Variants in CHRNA7 observed in about 807,000 individuals in gnomAD.
CHRNA7 encodes the protein neuronal acetylcholine receptor subunit alpha-7.
A neutral mutation model predicts 48.0 loss-of-function variants in CHRNA7; 17 were observed. The observed-to-expected ratio is 0.35, with a 90% CI of 0.24 to 0.53. The LOEUF is 0.53. Among genes scored for constraint, CHRNA7 ranks in the 20% least tolerant of loss-of-function variants. The pLI is 0.92. For synonymous variants in CHRNA7, 75 were observed against 242.3 expected, an observed-to-expected ratio of 0.31 and a Z score of 6.41; for missense variants, 155 against 577.7, an observed-to-expected ratio of 0.27 and a Z score of 7.50.
intron 3 of CHRNA7, among the ~76,000 whole-genome samples, chr15:32,109,561 A>T (rs1019724187): frequency 3.9e-5 from 6 of 152,204 alleles, no homozygotes; most frequent in African/African-American, 1.2e-4. Flanking sequence ...GGGGCAAGGG[A>T]AAACAGCAGA....
rs564493101 is a variant in CHRNA7 at position 32,168,957 on chromosome 15, C to G, written c.*499C>G. On this transcript the variant is annotated 3_prime_UTR_variant, in exon 10 of 10. Transcript: ENST00000306901. Reference sequence around the variant, plus strand: ...AACTAAAAACCTCTTAGCTTTTCTGCAATTCAACTTTTTATTTTTATTTTT... The same window carrying G: ...AACTAAAAACCTCTTAGCTTTTCTGGAATTCAACTTTTTATTTTTATTTTT... 2 of 129,850 alleles carry G rather than the reference C, an allele frequency of 1.5e-5. No homozygotes were observed. The highest frequency in any genetic ancestry group is 7.9e-5 in the Admixed American group (1 of 12,682). The allele number at this position is 129,850 out of a possible 1,614,324, so 8.0% of individuals were successfully genotyped here. A position where few individuals can be genotyped will look rare whatever the true frequency, so the allele number is the denominator to read the frequency against.
chr15:32,111,112 A>G (rs1447712532), intron 3 of CHRNA7: 2 of 152,244 alleles, frequency 1.3e-5, no homozygotes, highest in Admixed American at 6.5e-5. Flanking sequence ...GGATGACCCC[A>G]GACGTGGGTA....
At chr15:32,044,715 G>T (rs2049509431) in intron 2 of CHRNA7, among the ~76,000 whole-genome samples, 4 of 152,164 alleles carry the variant, frequency 2.6e-5, no homozygotes, top group Admixed American at 2.6e-4. Context: ...GGGAATATTT[G>T]GCATTATCTT....
Position 32,170,202 on chromosome 15 carries a change from G to C in CHRNA7, c.*1744G>C, listed in dbSNP as rs1024383756. 1 of 113,420 alleles carries C rather than the reference G, an allele frequency of 8.8e-6. No homozygotes were observed. The highest frequency in any genetic ancestry group is 3.7e-5 in the African/African-American group (1 of 27,128). 7.0% of individuals were successfully genotyped at this position (113,420 alleles called of 1,614,324 possible). ...CCAGCCATCTGGCTCACTCATTTCTGGGTAATGCACATGACTTTGTTTGCA... is the reference window on the plus strand; with the variant it reads ...CCAGCCATCTGGCTCACTCATTTCTCGGTAATGCACATGACTTTGTTTGCA... On this transcript the variant is annotated 3_prime_UTR_variant, in exon 10 of 10. Transcript: ENST00000306901.
At chr15:32,061,633 C>G (rs1007268192) in intron 2 of CHRNA7, among the ~76,000 whole-genome samples, 1 of 152,054 alleles carries the variant, frequency 6.6e-6, no homozygotes, top group Non-Finnish European at 1.5e-5. Context: ...CATGATGAAA[C>G]CCCATCTCTA....
intron 3 of CHRNA7, chr15:32,101,587 G>A: frequency 4.1e-6 from 2 of 486,472 alleles, no homozygotes; most frequent in South Asian, 7.3e-5. Context: ...ACAAGGTAAT[G>A]TGGGGACACT....
chr15:32,044,619 T>C (rs2049508060), intron 2 of CHRNA7, among the ~76,000 whole-genome samples: 1 of 152,214 alleles, frequency 6.6e-6, no homozygotes, highest in Admixed American at 6.5e-5. Context: ...TTTTTCTGCC[T>C]TCCCTTTTTG....
rs1188156455 is a variant in CHRNA7, at chr15:32,149,167, TC to T, written c.351-4738del. On this transcript the variant is annotated intron_variant, in intron 4 of 9. Transcript: ENST00000306901. The surrounding 1 kb of genome is among the most constrained non-coding windows in gnomAD (Gnocchi z 4.6). ...CACAAACTGTGGATGTACTGTGTCT[TC>T]CAGTAGTCAAAATAAAGAATATATT... Among the ~76,000 whole-genome samples, 4 of 152,354 alleles carry T rather than the reference TC, an allele frequency of 2.6e-5. No individual in the cohort carries two copies. The highest frequency in any genetic ancestry group is 1.9e-4 in the East Asian group (1 of 5,186).
At chr15:32,142,669 T>G (rs1595495933) in intron 4 of CHRNA7, among the ~76,000 whole-genome samples, 1 of 152,232 alleles carries the variant, frequency 6.6e-6, no homozygotes, top group Non-Finnish European at 1.5e-5. Flanking sequence ...GTCCAGGAAT[T>G]TATCCATTTC....
chr15:32,112,416 G>C (rs946742114), intron 4 of CHRNA7: 3 of 452,954 alleles, frequency 6.6e-6, no homozygotes, highest in South Asian at 4.7e-5. Context: ...CCCCTGCAGG[G>C]TATATACCTG....
chr15:32,081,153 A>G (rs2141232318), intron 2 of CHRNA7, among the ~76,000 whole-genome samples: 1 of 152,272 alleles, frequency 6.6e-6, no homozygotes, highest in African/African-American at 2.4e-5. Flanking sequence ...GGGTCCTGGC[A>G]GTGGGAGAGC....
At chr15:32,063,532 C>T (rs2141207684) in intron 2 of CHRNA7, among the ~76,000 whole-genome samples, 2 of 152,302 alleles carry the variant, frequency 1.3e-5, no homozygotes, top group Middle Eastern at 6.8e-3. Context: ...GATGTGTTCA[C>T]CAACCAGGTA....
At chr15:32,081,531 TAATACTCTATTGTTTG>T (rs2050215284) in intron 2 of CHRNA7, among the ~76,000 whole-genome samples, 1 of 152,138 alleles carries the variant, frequency 6.6e-6, no homozygotes, top group Admixed American at 6.5e-5. Flanking sequence ...TTCCAATGAG[TAATACTCTATTGTTTG>T]AATATTAGTC....
intron 4 of CHRNA7, among the ~76,000 whole-genome samples, chr15:32,126,201 T>C (rs1439942292): frequency 3.3e-5 from 5 of 152,180 alleles, no homozygotes. Context: ...CCTTTGATGT[T>C]CTTAGTAAGC....
At chr15:32,061,064 A>G (rs992126951) in intron 2 of CHRNA7, among the ~76,000 whole-genome samples, 1 of 151,754 alleles carries the variant, frequency 6.6e-6, no homozygotes, top group South Asian at 2.1e-4. Context: ...ATGTTATCTC[A>G]CTCAGTCCTT....
At chr15:32,116,117 G>A (rs2050866046) in intron 4 of CHRNA7, among the ~76,000 whole-genome samples, 1 of 152,190 alleles carries the variant, frequency 6.6e-6, no homozygotes, top group Admixed American at 6.5e-5. Context: ...ATTATGGTCT[G>A]AATGGAGTCG....
intron 4 of CHRNA7, among the ~76,000 whole-genome samples, chr15:32,114,644 GC>G (rs1276763212): frequency 6.6e-6 from 1 of 152,216 alleles, no homozygotes; most frequent in Admixed American, 6.5e-5. Context: ...TAAATATATG[GC>G]CCGCAGGTCC....
intron 2 of CHRNA7, among the ~76,000 whole-genome samples, chr15:32,037,203 A>C (rs901999748): frequency 3.3e-5 from 5 of 152,034 alleles, no homozygotes; most frequent in African/African-American, 1.2e-4. Flanking sequence ...GCTCCATTTT[A>C]TTGCCTTTGC....
chr15:32,136,188 A>G (rs2051253096), intron 4 of CHRNA7, among the ~76,000 whole-genome samples: 1 of 152,152 alleles, frequency 6.6e-6, no homozygotes, highest in Non-Finnish European at 1.5e-5. Flanking sequence ...GATGAATTTG[A>G]GAGTATTAAA....
Sources: gnomAD v4.1 joint callset for allele counts (sites outside exome capture counted in the v4.1 genomes callset) on GRCh38, gnomAD v4.1.1 for gene constraint, Gnocchi (gnomAD v3.1) non-coding constraint, MANE v1.5 for transcripts, NCBI Gene and HGNC (gene_info 2026-07-23, HGNC 2026-07-21) for gene names.